Variants in AUH observed in about 807,000 individuals in gnomAD.
AUH encodes methylglutaconyl-CoA hydratase, mitochondrial.
In AUH, 29 loss-of-function variants were observed where a neutral mutation model predicts 42.3. The ratio of observed to expected loss-of-function variants is 0.69; its 90% CI spans 0.51 to 0.93. The LOEUF (loss-of-function observed/expected upper bound fraction) is 0.93. AUH is among the 40% of genes least tolerant of loss of function. The probability of loss-of-function intolerance (pLI) is 0.00; values close to 1 mark genes in which losing one functional copy is unlikely to be tolerated. For synonymous variants in AUH, 174 were observed against 166.4 expected (o/e 1.05, Z -0.35); for missense variants, 452 against 438.1 (o/e 1.03, Z -0.28).
intron 6 of AUH, among the ~76,000 whole-genome samples, chr9:91,265,245 C>CA (rs1216475974): frequency 6.6e-6 from 1 of 151,010 alleles, no homozygotes; most frequent in Non-Finnish European, 1.5e-5. Context: ...TGTCAAACCT[C>CA]AGAGGTTAAT....
chr9:91,297,294 T>A (rs1443225402), intron 5 of AUH, among the ~76,000 whole-genome samples: 1 of 152,178 alleles, frequency 6.6e-6, no homozygotes, highest in Non-Finnish European at 1.5e-5. Flanking sequence ...ACATGTCAAG[T>A]GCTAGAATAA....
Position 91,361,817 on chromosome 9 carries a change from C to G in AUH, c.73G>C (p.Ala25Pro), listed in dbSNP as rs908561470. Residue 25 changes from alanine to proline, a missense_variant, in exon 1 of 10, where the codon GCT (alanine) becomes CCT (proline). Ala to Pro is a conservative substitution (Grantham distance 27). Coordinates refer to ENST00000375731, the MANE Select transcript of AUH (RefSeq NM_001698.3). The stretch of plus-strand genomic sequence containing the variant: ...CCCGGGCAGAGCCACGCACTGCAAG[C>G]GGCCACCAGGCGGGCGCCGCCAGCA... ...LHAGGARLVA[A>P]CSAWLCPGLR... 1 of 1,511,664 alleles carries G rather than the reference C, an allele frequency of 6.6e-7. No individual in the cohort carries two copies. The allele number at this position is 1,511,664 out of a possible 1,614,324, so 93.6% of individuals were successfully genotyped here.
At chr9:91,285,637 G>A (rs1564065263) in intron 6 of AUH, among the ~76,000 whole-genome samples, 1 of 151,960 alleles carries the variant, frequency 6.6e-6, no homozygotes, top group Non-Finnish European at 1.5e-5. Flanking sequence ...AATTCCAAGG[G>A]AGCATTACTA....
intron 9 of AUH, 139 bp downstream of exon 9, chr9:91,215,920 C>T: frequency 1.2e-6 from 1 of 852,996 alleles, no homozygotes; most frequent in South Asian, 1.4e-5. Flanking sequence ...ATAGCAGAAA[C>T]AACTAATTTC....
chr9:91,306,967 C>A (rs1303364065), intron 4 of AUH, among the ~76,000 whole-genome samples: 7 of 151,558 alleles, frequency 4.6e-5, no homozygotes, highest in South Asian at 2.1e-4. Flanking sequence ...AACTATTGAT[C>A]AAAAAAAAGC....
At chr9:91,315,062 T>C (rs1249515606) in intron 4 of AUH, among the ~76,000 whole-genome samples, 1 of 152,224 alleles carries the variant, frequency 6.6e-6, no homozygotes, top group African/African-American at 2.4e-5. Flanking sequence ...TAGCTGGCAC[T>C]ACAGGCTAGG....
chr9:91,310,614 G>A (rs183444798), intron 4 of AUH, among the ~76,000 whole-genome samples: 1 of 152,294 alleles, frequency 6.6e-6, no homozygotes, highest in Admixed American at 6.5e-5. Flanking sequence ...TTTTAACAAT[G>A]TATAAAATCT....
At chr9:91,239,480 T>C (rs1213274815) in intron 6 of AUH, among the ~76,000 whole-genome samples, 1 of 152,186 alleles carries the variant, frequency 6.6e-6, no homozygotes, top group African/African-American at 2.4e-5. Flanking sequence ...TGGGACTCTG[T>C]GTCAGATGGC....
chr9:91,246,199 C>A (rs1828785142), intron 6 of AUH, among the ~76,000 whole-genome samples: 1 of 152,154 alleles, frequency 6.6e-6, no homozygotes, highest in Admixed American at 6.5e-5. Context: ...AGCCCTCAAC[C>A]AGAATCAACC....
intron 1 of AUH, among the ~76,000 whole-genome samples, chr9:91,361,279 C>G (rs1403545489): frequency 6.6e-6 from 1 of 152,182 alleles, no homozygotes; most frequent in East Asian, 1.9e-4. Flanking sequence ...AGCCATTACA[C>G]AGCAACAATA....
chr9:91,331,137 C>T (rs1437411717), intron 3 of AUH, among the ~76,000 whole-genome samples: 1 of 152,088 alleles, frequency 6.6e-6, no homozygotes, highest in Non-Finnish European at 1.5e-5. Context: ...ATGCTCTCCT[C>T]CTATACTGTC....
At chr9:91,328,873 A>C (rs1830134860) in intron 3 of AUH, among the ~76,000 whole-genome samples, 1 of 152,164 alleles carries the variant, frequency 6.6e-6, no homozygotes, top group African/African-American at 2.4e-5. Context: ...CCTCAATCTG[A>C]TCTTAGAACA....
At chr9:91,335,559 ATTTCC>A (rs1056114174) in intron 3 of AUH, among the ~76,000 whole-genome samples, 3 of 152,046 alleles carry the variant, frequency 2.0e-5, no homozygotes, top group African/African-American at 7.2e-5. Flanking sequence ...TGCTCACTTC[ATTTCC>A]TTTCATCTAC....
rs545870396 is a variant in AUH, at chr9:91,355,536, A to G, written c.418+347T>C. Among the ~76,000 whole-genome samples the G allele has an allele frequency of 7.2e-5, 11 of 152,016 alleles. No homozygotes were observed. The South Asian group carries it at 2.3e-3, about 32-fold the overall frequency. ...CACGCCACTGCAGCCTGGGTGACAG[A>G]GCAAGACTCTATCTCAAAAAAAAAA... On this transcript the variant is annotated intron_variant, in intron 3 of 9. Coordinates refer to ENST00000375731, the MANE Select transcript of AUH (RefSeq NM_001698.3).
At chr9:91,278,127 T>C (rs73497162) in intron 6 of AUH, among the ~76,000 whole-genome samples, 175 of 152,302 alleles carry the variant, frequency 1.1e-3, no homozygotes, top group African/African-American at 3.9e-3. Flanking sequence ...AACGGAGGGC[T>C]GGCAACATGC....
chr9:91,298,606 T>C (rs542150889), intron 4 of AUH, among the ~76,000 whole-genome samples: 14 of 152,166 alleles, frequency 9.2e-5, no homozygotes, highest in Non-Finnish European at 1.3e-4. Flanking sequence ...CCTAACATTA[T>C]GAATGGGAGC....
chr9:91,247,774 G>A lies in AUH; in HGVS notation c.656-26782C>T, dbSNP rs1828880433. 2.6e-5 allele frequency among the ~76,000 whole-genome samples: 4 copies of A among 152,274 alleles called. No homozygotes were observed. In the South Asian group the frequency reaches 8.3e-4, roughly 32 times the overall value. On this transcript the variant is annotated intron_variant, in intron 6 of 9. Transcript: ENST00000375731. The stretch of plus-strand genomic sequence containing the variant: ...TTTCCCTAAAGACTACTGATGTAGA[G>A]CATCTTTTTATGTGCATATTTGCCA...
intron 6 of AUH, among the ~76,000 whole-genome samples, chr9:91,281,851 G>A (rs966915890): frequency 6.6e-6 from 1 of 151,988 alleles, no homozygotes; most frequent in Admixed American, 6.6e-5. Context: ...TTCAACTACA[G>A]CAACAGGCTC....
chr9:91,319,720 C>T (rs1280025668), intron 4 of AUH, among the ~76,000 whole-genome samples: 1 of 152,230 alleles, frequency 6.6e-6, no homozygotes, highest in African/African-American at 2.4e-5. Flanking sequence ...ACTGCACGTG[C>T]AGCCCCTCCC....
Sources: allele counts gnomAD v4.1 joint callset (sites outside exome capture counted in the v4.1 genomes callset), GRCh38; gene constraint gnomAD v4.1.1; transcripts MANE v1.5; gene names NCBI Gene and HGNC (gene_info 2026-07-23, HGNC 2026-07-21).